The following TMEM243 variants were observed in gnomAD, a reference collection of about 807,000 sequenced individuals.
The protein encoded by TMEM243 is transmembrane protein 243.
In TMEM243, 20 loss-of-function variants were observed where a neutral mutation model predicts 15.0. That is an observed-to-expected ratio of 1.33 (90% CI 0.94 to 1.93). The LOEUF (loss-of-function observed/expected upper bound fraction) is 1.93, where lower values mean the gene tolerates loss of function less well. TMEM243 is among the 30% of genes most tolerant of loss of function. TMEM243 has a pLI of 0.00. For synonymous variants in TMEM243, 72 were observed against 52.7 expected (o/e 1.37, Z -1.59); for missense variants, 156 against 142.1 (o/e 1.10, Z -0.50).
At chr7:87,200,286 G>C (rs1257759033) in intron 1 of TMEM243, among the ~76,000 whole-genome samples, 1 of 152,124 alleles carries the variant, frequency 6.6e-6, no homozygotes. Context: ...GGACTCAGAA[G>C]AGATCTTACC....
intron 1 of TMEM243, among the ~76,000 whole-genome samples, chr7:87,207,897 C>T (rs1022750246): frequency 6.6e-6 from 1 of 152,184 alleles, no homozygotes; most frequent in African/African-American, 2.4e-5. Context: ...TCCACATGAG[C>T]AAACTGCATC....
At chr7:87,206,679 AAATT>A (rs1802242992) in intron 1 of TMEM243, among the ~76,000 whole-genome samples, 1 of 152,220 alleles carries the variant, frequency 6.6e-6, no homozygotes, top group African/African-American at 2.4e-5. Flanking sequence ...TAAAACTTAC[AAATT>A]ATTTCTGAAG....
intron 2 of TMEM243, chr7:87,198,717 G>A: frequency 2.2e-6 from 1 of 447,984 alleles, no homozygotes; most frequent in Non-Finnish European, 4.0e-6. Context: ...GGGGAATTAT[G>A]GTAGATGACA....
chr7:87,206,696 T>C (rs546994751), intron 1 of TMEM243, among the ~76,000 whole-genome samples: 1 of 152,328 alleles, frequency 6.6e-6, no homozygotes, highest in African/African-American at 2.4e-5. Context: ...TTCTGAAGTT[T>C]TCCATTTAAT....
At chr7:87,220,031 C>A (rs1466350680), upstream of TMEM243, among the ~76,000 whole-genome samples, 1 of 152,226 alleles carries the variant, frequency 6.6e-6, no homozygotes, top group Non-Finnish European at 1.5e-5. Flanking sequence ...CTTGGAAGAA[C>A]GCATTGAGAA....
intron 1 of TMEM243, among the ~76,000 whole-genome samples, chr7:87,209,764 GAGAGCGAGAC>G (rs148818749): frequency 0.037 from 4,301 of 116,808 alleles, 196 homozygotes; most frequent in Non-Finnish European, 0.049. Context: ...GCGAGACAGT[GAGAGCGAGAC>G]AGAGCGAGAC....
intron 1 of TMEM243, among the ~76,000 whole-genome samples, chr7:87,210,860 G>A (rs1444692742): frequency 6.6e-6 from 1 of 152,202 alleles, no homozygotes; most frequent in Non-Finnish European, 1.5e-5. Flanking sequence ...TGAAATCTAG[G>A]CGGAGGCTCC....
At chr7:87,212,065 G>T (rs369930452) in intron 1 of TMEM243, among the ~76,000 whole-genome samples, 2 of 152,274 alleles carry the variant, frequency 1.3e-5, no homozygotes, top group East Asian at 3.9e-4. Context: ...CAACTTTTAA[G>T]CCTTAGTTTT....
chr7:87,200,613 T>C (rs75300097), intron 1 of TMEM243, among the ~76,000 whole-genome samples: 3 of 152,206 alleles, frequency 2.0e-5, no homozygotes, highest in East Asian at 3.9e-4. Context: ...AGGATCAAAG[T>C]AGGAGAAAAA....
At chr7:87,201,303 A>G (rs1004847017) in intron 1 of TMEM243, among the ~76,000 whole-genome samples, 2 of 152,236 alleles carry the variant, frequency 1.3e-5, no homozygotes, top group East Asian at 1.9e-4. Context: ...AGTGTAGTCT[A>G]TGAACCAGCA....
chr7:87,196,701 T>C lies in TMEM243; in HGVS notation c.292A>G (p.Ile98Val). ...EPKFRKLIYY[I>V]IFSIIMLCIC... ...CACAACATGATGATAGAAAATATGA[T>C]ATAGTAAATTAGCTTTCTAAATTTC... Residue 98 changes from isoleucine to valine, a missense_variant, in exon 4 of 4, where the codon ATC becomes GTC. Coordinates refer to ENST00000257637, the MANE Select transcript of TMEM243 (RefSeq NM_024315.4). 1.2e-6 allele frequency: 2 copies of C among 1,608,960 alleles called. No homozygotes were observed. Among genetic ancestry groups the C allele is most frequent in the Non-Finnish European group, 1.7e-6 (2 of 1,177,074 alleles).
chr7:87,206,132 A>G (rs189275316), intron 1 of TMEM243, among the ~76,000 whole-genome samples: 51 of 152,322 alleles, frequency 3.3e-4, no homozygotes, highest in Admixed American at 3.9e-4. Flanking sequence ...CTTATTCACT[A>G]CCACAAGAAC....
At chr7:87,200,388 CACTT>C (rs1420559508) in intron 1 of TMEM243, among the ~76,000 whole-genome samples, 1 of 152,182 alleles carries the variant, frequency 6.6e-6, no homozygotes, top group African/African-American at 2.4e-5. Flanking sequence ...AGTCACCACT[CACTT>C]TAACTTCTTC....
At chr7:87,217,902 C>T (rs74388994) in intron 1 of TMEM243, among the ~76,000 whole-genome samples, 2,636 of 152,336 alleles carry the variant, frequency 0.017, 36 homozygotes, top group Non-Finnish European at 0.025. Flanking sequence ...TAAGTGTTTG[C>T]ATAAATGGAC....
chr7:87,220,568 C>A (rs1803464414), upstream of TMEM243: 2 of 152,280 alleles, frequency 1.3e-5, no homozygotes, highest in Admixed American at 1.3e-4. Flanking sequence ...CCGCTGCCTC[C>A]GTCGCAAGTC....
chr7:87,219,836 C>A, upstream of TMEM243: 1 of 351,812 alleles, frequency 2.8e-6, no homozygotes, highest in South Asian at 3.5e-5. Flanking sequence ...GGCTCTCCGC[C>A]CCTCTGGGCC....
At position 87,196,496 on chromosome 7, in the gene TMEM243, G is replaced by T. The variant is rs111572740; in HGVS notation, c.*140C>A. 2.4e-6 allele frequency: 2 copies of T among 849,164 alleles called. No individual in the cohort carries two copies. Among genetic ancestry groups the T allele is most frequent in the African/African-American group, 3.6e-5 (2 of 55,522 alleles). 52.6% of individuals were successfully genotyped at this position (849,164 alleles called of 1,614,324 possible). A position where few individuals can be genotyped will look rare whatever the true frequency, so the allele number is the denominator to read the frequency against. Reference sequence around the variant, plus strand: ...CTAGGATATGTCTCCCTTGCAAGAGGGAATTAACATTTACAATTAACATGA... The same window carrying T: ...CTAGGATATGTCTCCCTTGCAAGAGTGAATTAACATTTACAATTAACATGA... On this transcript the variant is annotated 3_prime_UTR_variant, in exon 4 of 4. Coordinates refer to ENST00000257637, the MANE Select transcript of TMEM243 (RefSeq NM_024315.4).
intron 1 of TMEM243, among the ~76,000 whole-genome samples, chr7:87,213,976 T>C (rs1802940719): frequency 6.6e-6 from 1 of 152,176 alleles, no homozygotes; most frequent in South Asian, 2.1e-4. Flanking sequence ...CAAGAAGGAA[T>C]AAAGGAGCAA....
intron 1 of TMEM243, among the ~76,000 whole-genome samples, chr7:87,212,754 C>T (rs572565200): frequency 4.6e-5 from 7 of 152,264 alleles, no homozygotes; most frequent in Admixed American, 2.0e-4. Context: ...TTTTTGATAA[C>T]GCTAAATTCT....
Sources: allele counts gnomAD v4.1 joint callset (sites outside exome capture counted in the v4.1 genomes callset), GRCh38; gene constraint gnomAD v4.1.1; transcripts MANE v1.5; gene names NCBI Gene and HGNC (gene_info 2026-07-23, HGNC 2026-07-21).